Variants in AANAT observed in about 807,000 individuals in gnomAD.
AANAT encodes serotonin N-acetyltransferase.
AANAT carries 11 observed loss-of-function variants against 15.6 expected under a neutral mutation model. That is an observed-to-expected ratio of 0.71 (90% CI 0.44 to 1.17). The LOEUF (loss-of-function observed/expected upper bound fraction) is 1.17. AANAT is among the 50% of genes most tolerant of loss of function. AANAT has a pLI of 0.00. For synonymous variants in AANAT, 139 were observed against 131.5 expected, an observed-to-expected ratio of 1.06 and a Z score of -0.39; for missense variants, 286 against 296.3, an observed-to-expected ratio of 0.97 and a Z score of 0.26.
rs546935583 is a variant in AANAT at position 76,468,252 on chromosome 17, C to T, written c.-75-420C>T. ...TGAATGGTGGTGTGGGGGAACCGGG[C>T]GCCCACCCACTGCACAGTTGCATTA... is the stretch of plus-strand genomic sequence containing the variant. On this transcript the variant is annotated intron_variant, in intron 1 of 3. Transcript: ENST00000392492. Among the ~76,000 whole-genome samples the T allele has an allele frequency of 6.6e-5, 10 of 152,300 alleles. 1 individual carries two copies. In the South Asian group the frequency reaches 1.4e-3, roughly 22 times the overall value.
At position 76,467,656 on chromosome 17, in the gene AANAT, C is replaced by T. The variant is rs772313466; in HGVS notation, c.-147C>T. ...CGGAGTCCCGGATTTTACTGGTTCC[C>T]GTGCCTGCGGACAGGCCCCCAGGGC... is the stretch of plus-strand genomic sequence containing the variant. On this transcript the variant is annotated 5_prime_UTR_variant, in exon 1 of 4. Transcript: ENST00000392492. 1.2e-4 allele frequency: 117 copies of T among 985,560 alleles called. No individual in the cohort carries two copies. The Middle Eastern group carries it at 2.1e-3, about 18-fold the overall frequency. 61.1% of individuals were successfully genotyped at this position (985,560 alleles called of 1,614,324 possible).
chr17:76,453,638 TAACA>T (rs1433172842), exon 1 of AANAT: 1 of 152,738 alleles, frequency 6.5e-6, no homozygotes, highest in Non-Finnish European at 1.5e-5. Context: ...ATTAAATAGA[TAACA>T]AACAACTCCA....
At chr17:76,464,337 G>A, upstream of AANAT, among the ~76,000 whole-genome samples, 2 of 138,032 alleles carry the variant, frequency 1.4e-5, no homozygotes, top group African/African-American at 5.6e-5. Flanking sequence ...GCAAGACTCT[G>A]TCTTAAAAAA....
upstream of AANAT, chr17:76,465,932 C>T (rs2073432570): frequency 3.9e-6 from 2 of 514,412 alleles, no homozygotes; most frequent in South Asian, 3.9e-5. Context: ...TCACTACAGC[C>T]TCGACCTCTC....
upstream of AANAT, chr17:76,466,178 G>T (rs2143974403): frequency 6.5e-7 from 1 of 1,537,054 alleles, no homozygotes; most frequent in African/African-American, 1.4e-5. Flanking sequence ...GTGCCATGGA[G>T]CCACAGTCTA....
intron 1 of AANAT, among the ~76,000 whole-genome samples, 169 bp downstream of exon 1, chr17:76,467,896 G>A (rs1033043187): frequency 6.6e-6 from 1 of 152,136 alleles, no homozygotes; most frequent in Non-Finnish European, 1.5e-5. Context: ...AGGGTGTCTT[G>A]GGAGACAAGA....
chr17:76,469,712 T>C lies in AANAT; in HGVS notation c.366T>C (p.His122=), dbSNP rs140194920. Residue 122 remains histidine (H), a synonymous_variant, in exon 4 of 4, where the codon CAT becomes CAC. Coordinates refer to ENST00000392492, the MANE Select transcript of AANAT (RefSeq NM_001088.3). The surrounding 1 kb of genome is among the most constrained non-coding windows in gnomAD (Gnocchi z 5.2). ...CTGGGGGCCACATAGCCCACCTGCA[T>C]GTGCTGGCCGTGCACCGCGCCTTCC... ...HRSGGHIAHL[H]VLAVHRAFRQ... is the part of the protein sequence containing the mutation. 1,730 of 1,538,028 alleles carry C rather than the reference T, an allele frequency of 1.1e-3. 1 individual carries two copies. Among genetic ancestry groups the C allele is most frequent in the Non-Finnish European group, 1.4e-3 (1,606 of 1,140,738 alleles).
At chr17:76,457,865 A>C (rs768597312) in intron 1 of AANAT, among the ~76,000 whole-genome samples, 4 of 152,284 alleles carry the variant, frequency 2.6e-5, no homozygotes, top group Non-Finnish European at 4.4e-5. Flanking sequence ...GCAAAACCAT[A>C]TCTCTACTAA....
intron 2 of AANAT, among the ~76,000 whole-genome samples, chr17:76,460,733 A>G (rs979178655): frequency 1.3e-5 from 2 of 152,088 alleles, no homozygotes; most frequent in African/African-American, 4.8e-5. Context: ...GGAGGTGGCA[A>G]TCCCTCCCTG....
At position 76,469,138 on chromosome 17, in the gene AANAT, G is replaced by T; in HGVS notation, c.164-35G>T. The T allele has an allele frequency of 6.2e-7, 1 of 1,612,432 alleles. No individual in the cohort carries two copies. The highest frequency in any genetic ancestry group is 1.1e-5 in the South Asian group (1 of 90,944). ...GCAGACAGTGGACGCGAGGCACAGC[G>T]ACTACCAGTCACCCACCTGAGCCTC... On this transcript the variant is annotated intron_variant, in intron 2 of 3. Coordinates refer to ENST00000392492, the MANE Select transcript of AANAT (RefSeq NM_001088.3). This position sits in a 1 kb window ranked among gnomAD's most constrained non-coding sequence, Gnocchi z 5.2.
At chr17:76,454,891 C>T (rs144131784) in intron 1 of AANAT, among the ~76,000 whole-genome samples, 158 of 152,154 alleles carry the variant, frequency 1.0e-3, no homozygotes, top group African/African-American at 3.5e-3. Context: ...CTTTGGGAGA[C>T]CGAGGCGGGT....
chr17:76,457,276 A>G (rs906752498), intron 1 of AANAT, among the ~76,000 whole-genome samples: 8 of 152,136 alleles, frequency 5.3e-5, no homozygotes, highest in African/African-American at 1.9e-4. Context: ...TCCTGACCTC[A>G]AATGATCCAC....
chr17:76,469,272 G>C lies in AANAT; in HGVS notation c.263G>C (p.Gly88Ala), dbSNP rs200201199. 9.3e-6 allele frequency: 15 copies of C among 1,614,174 alleles called. 1 individual carries two copies. In the Admixed American group the frequency reaches 2.3e-4, roughly 25 times the overall value. The change falls in exon 3 of 4, where the codon GGC becomes GCC. Residue 88 changes from glycine (G) to alanine (A), a missense_variant. Gly to Ala is a moderately conservative substitution (Grantham distance 60). Transcript: ENST00000392492. This position sits in a 1 kb window ranked among gnomAD's most constrained non-coding sequence, Gnocchi z 5.2. ...PELSLGWFEE[G>A]CLVAFIIGSL... ...CTGTCCCTGGGCTGGTTCGAGGAGG[G>C]CTGCCTTGTGGCCTTCATCATCGGC...
Position 76,469,443 on chromosome 17 carries a change from G to A in AANAT, c.318+116G>A. The A allele has an allele frequency of 6.9e-7, 1 of 1,442,542 alleles. No homozygotes were observed. Among genetic ancestry groups the A allele is most frequent in the Non-Finnish European group, 9.4e-7 (1 of 1,059,694 alleles). 89.4% of individuals were successfully genotyped at this position (1,442,542 alleles called of 1,614,324 possible). ...TTTCTTCCTCCAGAACTGGAGAGAT[G>A]AGTACAGGCCACAGGCCCCTCCCAG... On this transcript the variant is annotated intron_variant, in intron 3 of 3. Coordinates refer to ENST00000392492, the MANE Select transcript of AANAT (RefSeq NM_001088.3). The surrounding 1 kb of genome is among the most constrained non-coding windows in gnomAD (Gnocchi z 5.2).
Position 76,469,740 on chromosome 17 carries a change from C to A in AANAT, c.394C>A (p.Gln132Lys), listed in dbSNP as rs1462913469. 1.9e-6 allele frequency: 3 copies of A among 1,559,996 alleles called. No homozygotes were observed. The highest frequency in any genetic ancestry group is 1.9e-5 in the Admixed American group (1 of 53,368). The change falls in exon 4 of 4, where the codon CAG becomes AAG. Residue 132 changes from glutamine (Q) to lysine (K), a missense_variant. Gln to Lys is a moderately conservative substitution (Grantham distance 53). Coordinates refer to ENST00000392492, the MANE Select transcript of AANAT (RefSeq NM_001088.3). This position sits in a 1 kb window ranked among gnomAD's most constrained non-coding sequence, Gnocchi z 5.2. The stretch of plus-strand genomic sequence containing the variant: ...GCTGGCCGTGCACCGCGCCTTCCGG[C>A]AGCAGGGCAGGGGCCCCATCCTGCT... ...HVLAVHRAFR[Q>K]QGRGPILLWR...
intron 1 of AANAT, among the ~76,000 whole-genome samples, chr17:76,468,252 C>A (rs546935583): frequency 1.3e-5 from 2 of 152,182 alleles, no homozygotes; most frequent in Non-Finnish European, 2.9e-5. Flanking sequence ...GGGAACCGGG[C>A]GCCCACCCAC....
chr17:76,463,137 G>A (rs1006233918), upstream of AANAT, among the ~76,000 whole-genome samples: 3 of 152,136 alleles, frequency 2.0e-5, no homozygotes, highest in Non-Finnish European at 4.4e-5. Context: ...CAGCAGGCTC[G>A]GTGCCCGGGA....
In AANAT at chr17:76,469,743, C is replaced by T; in HGVS notation, c.397C>T (p.Gln133Ter). 1 of 1,562,688 alleles carries T rather than the reference C, an allele frequency of 6.4e-7. No individual in the cohort carries two copies. Among genetic ancestry groups the T allele is most frequent in the Non-Finnish European group, 8.7e-7 (1 of 1,153,840 alleles). ...VLAVHRAFRQ[Q>*]GRGPILLWRY... ...GGCCGTGCACCGCGCCTTCCGGCAG[C>T]AGGGCAGGGGCCCCATCCTGCTGTG... Residue 133 changes from glutamine (Q) to a stop codon, truncating the protein, a stop_gained, in exon 4 of 4, where the codon CAG (glutamine) becomes TAG (stop). Transcript: ENST00000392492. LOFTEE classifies it high-confidence loss of function. This position sits in a 1 kb window ranked among gnomAD's most constrained non-coding sequence, Gnocchi z 5.2.
At chr17:76,468,647 CCT>C in intron 1 of AANAT, 23 bp from the exon 2 acceptor site, 5 of 1,527,610 alleles carry the variant, frequency 3.3e-6, no homozygotes, top group Non-Finnish European at 4.4e-6. Context: ...GGATGAGACC[CCT>C]GTCCCTTGCT....
Sources: allele counts gnomAD v4.1 joint callset (sites outside exome capture counted in the v4.1 genomes callset), GRCh38; gene constraint gnomAD v4.1.1; non-coding constraint Gnocchi (gnomAD v3.1); transcripts MANE v1.5; gene names NCBI Gene and HGNC (gene_info 2026-07-23, HGNC 2026-07-21).